Variants in FBXW7 observed in about 807,000 individuals in gnomAD.
FBXW7 encodes F-box and WD repeat domain containing 7.
A neutral mutation model predicts 86.3 loss-of-function variants in FBXW7; 11 were observed. That is an observed-to-expected ratio of 0.13 (90% confidence interval 0.08 to 0.21). The LOEUF is 0.21. FBXW7 is among the 10% of genes least tolerant of loss of function. The probability of loss-of-function intolerance (pLI) is 1.00; values close to 1 mark genes in which losing one functional copy is unlikely to be tolerated. For synonymous variants in FBXW7, 313 were observed against 297.9 expected (o/e 1.05, Z -0.52); for missense variants, 488 against 847.4 (o/e 0.58, Z 5.27).
At chr4:152,480,231 TTTATCA>T in intron 2 of FBXW7, among the ~76,000 whole-genome samples, 1 of 152,312 alleles carries the variant, frequency 6.6e-6, no homozygotes, top group Non-Finnish European at 1.5e-5. Flanking sequence ...TATTTCAAAC[TTTATCA>T]TTATTATTGT....
chr4:152,330,895 T>C (rs752587430), intron 8 of FBXW7, 27 bp from the exon 9 acceptor site: 5 of 1,605,132 alleles, frequency 3.1e-6, no homozygotes, highest in Middle Eastern at 1.7e-4. Flanking sequence ...CAAGAGTAAA[T>C]TGCCTTCACC....
At chr4:152,443,189 G>A (rs1357956659) in intron 2 of FBXW7, among the ~76,000 whole-genome samples, 2 of 152,154 alleles carry the variant, frequency 1.3e-5, no homozygotes, top group Non-Finnish European at 2.9e-5. Context: ...TTGAACCCGG[G>A]AGGCGGAGGT....
At chr4:152,331,266 C>G (rs1729538158) in intron 8 of FBXW7, among the ~76,000 whole-genome samples, 1 of 152,034 alleles carries the variant, frequency 6.6e-6, no homozygotes, top group South Asian at 2.1e-4. Flanking sequence ...GAGTCTCAAA[C>G]AGTCATCTGT....
At chr4:152,331,233 C>T (rs1729536294) in intron 8 of FBXW7, among the ~76,000 whole-genome samples, 1 of 151,958 alleles carries the variant, frequency 6.6e-6, no homozygotes, top group African/African-American at 2.4e-5. Context: ...CTTCTGGATA[C>T]ATAACCAAAA....
At chr4:152,416,396 A>G (rs1488026717) in intron 2 of FBXW7, among the ~76,000 whole-genome samples, 1 of 152,198 alleles carries the variant, frequency 6.6e-6, no homozygotes, top group Non-Finnish European at 1.5e-5. Flanking sequence ...TAAATTGTCT[A>G]CTAAGTCATA....
chr4:152,463,571 A>G (rs1235735987), intron 2 of FBXW7, among the ~76,000 whole-genome samples: 1 of 151,658 alleles, frequency 6.6e-6, no homozygotes. Flanking sequence ...TTATCTTAAG[A>G]AAAAAAAAGA....
At chr4:152,335,465 T>C (rs1257886910) in intron 7 of FBXW7, among the ~76,000 whole-genome samples, 1 of 152,160 alleles carries the variant, frequency 6.6e-6, no homozygotes, top group Non-Finnish European at 1.5e-5. Flanking sequence ...GAGACTCTTG[T>C]CTGTCCAACC....
At chr4:152,392,996 A>C (rs992238162) in intron 4 of FBXW7, among the ~76,000 whole-genome samples, 1 of 152,192 alleles carries the variant, frequency 6.6e-6, no homozygotes, top group Non-Finnish European at 1.5e-5. Context: ...ATTTCCTAAA[A>C]TCATGCTTTT....
chr4:152,387,444 A>C (rs540264565), intron 4 of FBXW7, among the ~76,000 whole-genome samples: 1 of 152,262 alleles, frequency 6.6e-6, no homozygotes, highest in South Asian at 2.1e-4. Flanking sequence ...CTAACATCAT[A>C]GATATCAGAG....
chr4:152,448,905 TACTA>T (rs1741655686), intron 2 of FBXW7, among the ~76,000 whole-genome samples: 1 of 152,190 alleles, frequency 6.6e-6, no homozygotes, highest in Non-Finnish European at 1.5e-5. Context: ...CCCAAAATTA[TACTA>T]ACCACTTTCT....
In FBXW7 at chr4:152,321,543, T is replaced by C. The variant is rs1038223884; in HGVS notation, c.*1338A>G. 1.3e-5 allele frequency: 3 copies of C among 233,042 alleles called. No homozygotes were observed. Among genetic ancestry groups the C allele is most frequent in the African/African-American group, 6.6e-5 (3 of 45,312 alleles). The allele number at this position is 233,042 out of a possible 1,614,324, so 14.4% of individuals were successfully genotyped here. A position where few individuals can be genotyped will look rare whatever the true frequency, so the allele number is the denominator to read the frequency against. On this transcript the variant is annotated 3_prime_UTR_variant, in exon 14 of 14. Transcript: ENST00000281708. ...GCTCTTGGAGAATGAGGCAAACCAT[T>C]TGACTGTTTCATTCATTTTGTTTGT...
intron 13 of FBXW7, chr4:152,323,404 T>C (rs1663664732): frequency 1.4e-5 from 7 of 511,836 alleles, no homozygotes; most frequent in African/African-American, 1.9e-5. Context: ...CAGACAAACA[T>C]CTTATTTTCT....
intron 6 of FBXW7, 109 bp downstream of exon 6, chr4:152,346,821 T>A: frequency 7.2e-7 from 1 of 1,383,134 alleles, no homozygotes; most frequent in East Asian, 2.4e-5. Flanking sequence ...TCAAAATTCA[T>A]CCACAGTATA....
chr4:152,330,156 G>C (rs1005798501), intron 9 of FBXW7, among the ~76,000 whole-genome samples: 1 of 151,610 alleles, frequency 6.6e-6, no homozygotes, highest in South Asian at 2.1e-4. Flanking sequence ...TAACCACAAA[G>C]AGTAACAATT....
intron 4 of FBXW7, among the ~76,000 whole-genome samples, chr4:152,407,438 T>A (rs1737513629): frequency 6.6e-6 from 1 of 152,204 alleles, no homozygotes; most frequent in African/African-American, 2.4e-5. Flanking sequence ...TTAAGTTGCT[T>A]GTCTTGCAGG....
At chr4:152,524,320 C>A (rs1344019740) in intron 2 of FBXW7, among the ~76,000 whole-genome samples, 1 of 152,132 alleles carries the variant, frequency 6.6e-6, no homozygotes, top group African/African-American at 2.4e-5. Flanking sequence ...ATTATAAGCA[C>A]CCCTCTCAGA....
At chr4:152,495,421 A>G (rs1327955394) in intron 2 of FBXW7, among the ~76,000 whole-genome samples, 4 of 152,246 alleles carry the variant, frequency 2.6e-5, no homozygotes, top group Non-Finnish European at 5.9e-5. Context: ...AGCCTGGGCA[A>G]CAGAGTGAAA....
At chr4:152,391,527 A>G (rs949836484) in intron 4 of FBXW7, among the ~76,000 whole-genome samples, 3 of 152,156 alleles carry the variant, frequency 2.0e-5, no homozygotes, top group Non-Finnish European at 4.4e-5. Flanking sequence ...AGAAAGATAA[A>G]TAAGTCTAAG....
At chr4:152,348,010 A>G (rs1731435992) in intron 5 of FBXW7, among the ~76,000 whole-genome samples, 1 of 152,128 alleles carries the variant, frequency 6.6e-6, no homozygotes, top group Non-Finnish European at 1.5e-5. Flanking sequence ...ACAAAATTAT[A>G]TTTGAAAAGA....
Sources: gnomAD v4.1 joint callset for allele counts (sites outside exome capture counted in the v4.1 genomes callset) on GRCh38, gnomAD v4.1.1 for gene constraint, MANE v1.5 for transcripts, NCBI Gene and HGNC (gene_info 2026-07-23, HGNC 2026-07-21) for gene names.